Variants in FREM3 observed in about 807,000 individuals in gnomAD.
FREM3 encodes FRAS1 related extracellular matrix 3.
FREM3 carries 105 observed loss-of-function variants against 129.1 expected under a neutral mutation model. The observed-to-expected ratio is 0.81, with a 90% CI of 0.69 to 0.96. The LOEUF (loss-of-function observed/expected upper bound fraction) is 0.96. FREM3 is among the 40% of genes least tolerant of loss of function. The pLI is 0.00. For synonymous variants in FREM3, 1,014 were observed against 1,044.9 expected, an observed-to-expected ratio of 0.97 and a Z score of 0.57; for missense variants, 2,593 against 2,666.3, an observed-to-expected ratio of 0.97 and a Z score of 0.61.
chr4:143,653,772 A>G (rs1739551083), intron 2 of FREM3, among the ~76,000 whole-genome samples: 6 of 152,216 alleles, frequency 3.9e-5, no homozygotes. Flanking sequence ...TATTTACTCC[A>G]GACAAATTAA....
At chr4:143,582,131 T>C (rs547724321) in intron 7 of FREM3, among the ~76,000 whole-genome samples, 43 of 152,268 alleles carry the variant, frequency 2.8e-4, no homozygotes, top group African/African-American at 1.0e-3. Context: ...CCTTTGCCAT[T>C]ACCACTGCTA....
chr4:143,700,195 C>A lies in FREM3; in HGVS notation c.481G>T (p.Asp161Tyr). Residue 161 changes from aspartate to tyrosine, a missense_variant, in exon 1 of 8, where the codon GAC becomes TAC. Transcript: ENST00000329798. ...AGCTCCAGCTGGGAGAAGACCAAGT[C>A]CACCGCCAGCGTGAAGGGCAGCACC... ...TLVLPFTLAV[D>Y]LVFSQLELVT... 2 of 1,536,994 alleles carry A rather than the reference C, an allele frequency of 1.3e-6. No homozygotes were observed. Among genetic ancestry groups the A allele is most frequent in the South Asian group, 1.2e-5 (1 of 84,068 alleles).
At position 143,697,632 on chromosome 4, in the gene FREM3, C is replaced by T; in HGVS notation, c.3044G>A (p.Gly1015Glu). ...ERFTQEDLIN[G>E]RVAYAHTAGE... The stretch of plus-strand genomic sequence containing the variant: ...TGCAGTGTGGGCATAGGCTACTCTC[C>T]CATTGATGAGATCCTCTTGGGTGAA... Residue 1015 changes from glycine (G) to glutamate (E), a missense_variant, in exon 1 of 8, where the codon GGG becomes GAG. Transcript: ENST00000329798. The T allele has an allele frequency of 6.5e-7, 1 of 1,537,820 alleles. No individual in the cohort carries two copies. The highest frequency in any genetic ancestry group is 8.7e-7 in the Non-Finnish European group (1 of 1,147,036).
chr4:143,655,090 CA>C (rs946035169), intron 2 of FREM3, among the ~76,000 whole-genome samples: 8 of 151,984 alleles, frequency 5.3e-5, no homozygotes, highest in Admixed American at 3.9e-4. Context: ...GGGTGCAAGG[CA>C]GCAGAAAGGA....
chr4:143,693,212 A>C lies in FREM3; in HGVS notation c.5186-10T>G. On this transcript the variant is annotated splice_polypyrimidine_tract_variant and intron_variant, in intron 1 of 7. Coordinates refer to ENST00000329798, the MANE Select transcript of FREM3 (RefSeq NM_001168235.2). ...ATCTCATCAATGTCAGCTAAAAAAA[A>C]AGCAACCATCACACAAAGTCATATT... 2.7e-6 allele frequency: 4 copies of C among 1,454,582 alleles called. No individual in the cohort carries two copies. The highest frequency in any genetic ancestry group is 1.4e-5 in the African/African-American group (1 of 70,648). 90.1% of individuals were successfully genotyped at this position (1,454,582 alleles called of 1,614,324 possible).
chr4:143,647,007 G>T (rs1739430196), intron 2 of FREM3, among the ~76,000 whole-genome samples: 1 of 152,176 alleles, frequency 6.6e-6, no homozygotes, highest in Admixed American at 6.5e-5. Context: ...AGGAAGGTGT[G>T]GGAAAGTTTG....
chr4:143,686,538 C>T (rs1740367333), intron 2 of FREM3, among the ~76,000 whole-genome samples: 2 of 152,136 alleles, frequency 1.3e-5, no homozygotes, highest in African/African-American at 4.8e-5. Context: ...TATTCAACAG[C>T]ACATGAAACT....
Position 143,699,459 on chromosome 4 carries a change from A to T in FREM3, c.1217T>A (p.Leu406Gln). Residue 406 changes from leucine (L) to glutamine (Q), a missense_variant, in exon 1 of 8, where the codon CTG becomes CAG. Around this residue, in one of 2 missense-constraint regions of FREM3, gnomAD observed 2,276 missense variants for 2,267.2 expected, o/e 1.00. Coordinates refer to ENST00000329798, the MANE Select transcript of FREM3 (RefSeq NM_001168235.2). The surrounding 1 kb of genome is among the most constrained non-coding windows in gnomAD (Gnocchi z 4.2). Reference protein sequence around the residue: ...SHGERLFQLELEVVDGDGAAS... With the variant: ...SHGERLFQLEQEVVDGDGAAS... ...GGCGCCGTCTCCGTCCACCACCTCC[A>T]GCTCCAGCTGAAAGAGGCGCTCCCC... 1 of 1,537,282 alleles carries T rather than the reference A, an allele frequency of 6.5e-7. No individual in the cohort carries two copies. The highest frequency in any genetic ancestry group is 8.7e-7 in the Non-Finnish European group (1 of 1,146,920).
rs1739703800 is a variant in FREM3 at position 143,660,911 on chromosome 4, T to C, written c.5275+32202A>G. On this transcript the variant is annotated intron_variant, in intron 2 of 7. Coordinates refer to ENST00000329798, the MANE Select transcript of FREM3 (RefSeq NM_001168235.2). Reference sequence around the variant, plus strand: ...GTCTGTCATTGGTGTATAAGAATGTTTGTGATTTTTGTACATTGATTTTGT... The same window carrying C: ...GTCTGTCATTGGTGTATAAGAATGTCTGTGATTTTTGTACATTGATTTTGT... Among the ~76,000 whole-genome samples, 3 of 152,186 alleles carry C rather than the reference T, an allele frequency of 2.0e-5. No individual in the cohort carries two copies. In the South Asian group the frequency reaches 6.2e-4, roughly 32 times the overall value.
intron 6 of FREM3, among the ~76,000 whole-genome samples, chr4:143,601,060 T>C (rs561371770): frequency 6.6e-6 from 1 of 151,494 alleles, no homozygotes; most frequent in South Asian, 2.1e-4. Flanking sequence ...AAAATTGTGA[T>C]ACTTTTAAAG....
chr4:143,608,932 C>A (rs912413516), intron 6 of FREM3, among the ~76,000 whole-genome samples: 10 of 152,098 alleles, frequency 6.6e-5, no homozygotes, highest in African/African-American at 2.4e-4. Context: ...TTTCTAAGTT[C>A]ATGACAAAAT....
At chr4:143,657,631 G>A (rs1420915339) in intron 2 of FREM3, among the ~76,000 whole-genome samples, 1 of 152,028 alleles carries the variant, frequency 6.6e-6, no homozygotes, top group African/African-American at 2.4e-5. Context: ...GTTGTACAGT[G>A]GTTAACAGTT....
rs1377216016 is a variant in FREM3, at chr4:143,611,280, A to G, written c.6027T>C (p.Asp2009=). ...TKVTILADRY[D]EPVLHFGDAE... ...TTGGAAAGCAACAAATGGACTTACC[A>G]TCATAACGATCAGCCAGAATAGTCA... The change falls in exon 6 of 8, where the codon GAT becomes GAC. Residue 2009 remains aspartate, a splice_region_variant and synonymous_variant. Transcript: ENST00000329798. 1 of 1,535,716 alleles carries G rather than the reference A, an allele frequency of 6.5e-7. No individual in the cohort carries two copies. Among genetic ancestry groups the G allele is most frequent in the South Asian group, 1.2e-5 (1 of 83,980 alleles).
intron 6 of FREM3, among the ~76,000 whole-genome samples, chr4:143,590,380 T>C (rs936378968): frequency 1.3e-5 from 2 of 152,244 alleles, no homozygotes; most frequent in African/African-American, 4.8e-5. Context: ...GGGTTTGTCA[T>C]AGATAGCTCT....
intron 2 of FREM3, among the ~76,000 whole-genome samples, chr4:143,683,912 G>A (rs1313852304): frequency 6.6e-6 from 1 of 152,074 alleles, no homozygotes; most frequent in Non-Finnish European, 1.5e-5. Flanking sequence ...CTGACAACCT[G>A]TATGACTAGA....
At chr4:143,601,658 T>C (rs975468552) in intron 6 of FREM3, among the ~76,000 whole-genome samples, 3 of 152,186 alleles carry the variant, frequency 2.0e-5, no homozygotes, top group African/African-American at 7.2e-5. Flanking sequence ...AAAGTTGCCA[T>C]TCATTCACTC....
Position 143,698,106 on chromosome 4 carries a change from G to C in FREM3, c.2570C>G (p.Pro857Arg), listed in dbSNP as rs1332153918. The C allele has an allele frequency of 6.5e-7, 1 of 1,537,414 alleles. No homozygotes were observed. Among genetic ancestry groups the C allele is most frequent in the South Asian group, 1.2e-5 (1 of 84,062 alleles). ...GACAATTTGGTCAATGTCTGTGTCT[G>C]GGTCTGTAACATGCAGCTCATTACT... ...LSSNELHVTD[P>R]DTDIDQIVFI... The change falls in exon 1 of 8, where the codon CCA becomes CGA. Residue 857 changes from proline to arginine, a missense_variant. Around this residue, in one of 2 missense-constraint regions of FREM3, gnomAD observed 2,276 missense variants for 2,267.2 expected, o/e 1.00. Coordinates refer to ENST00000329798, the MANE Select transcript of FREM3 (RefSeq NM_001168235.2).
intron 2 of FREM3, among the ~76,000 whole-genome samples, chr4:143,663,544 A>T (rs1206526726): frequency 2.6e-5 from 4 of 152,030 alleles, no homozygotes; most frequent in African/African-American, 9.7e-5. Context: ...ACTTTGGTGA[A>T]TCTGACAATT....
chr4:143,580,317 G>T (rs1738108782), intron 7 of FREM3, among the ~76,000 whole-genome samples: 1 of 152,084 alleles, frequency 6.6e-6, no homozygotes, highest in East Asian at 1.9e-4. Context: ...CTGGGGCAAA[G>T]CCAGGGGAGG....
Sources: gnomAD v4.1 joint callset for allele counts (sites outside exome capture counted in the v4.1 genomes callset) on GRCh38, gnomAD v4.1.1 for gene constraint, gnomAD v4.1.1 regional missense constraint, Gnocchi (gnomAD v3.1) non-coding constraint, MANE v1.5 for transcripts, NCBI Gene and HGNC (gene_info 2026-07-23, HGNC 2026-07-21) for gene names.